Variants in RYR3 observed in about 807,000 individuals in gnomAD.
The protein encoded by RYR3 is brain ryanodine receptor-calcium release channel.
A neutral mutation model predicts 584.3 loss-of-function variants in RYR3; 207 were observed. The observed-to-expected ratio is 0.35, with a 90% CI of 0.32 to 0.40. RYR3 has a LOEUF of 0.40. RYR3 is among the 10% of genes least tolerant of loss of function. RYR3 has a pLI of 1.00. For missense variants in RYR3, 5,616 were observed against 6,089.2 expected (o/e 0.92, Z 2.59); for synonymous variants, 2,416 against 2,248.5 (o/e 1.07, Z -2.11).
intron 100 of RYR3, 79 bp downstream of exon 100, chr15:33,859,810 G>T: frequency 7.0e-7 from 1 of 1,418,442 alleles, no homozygotes; most frequent in Admixed American, 2.1e-5. Context: ...GACTTAATTG[G>T]TTTATGAAGA....
intron 1 of RYR3, among the ~76,000 whole-genome samples, chr15:33,382,407 T>G (rs1409401322): frequency 1.4e-5 from 2 of 144,484 alleles, no homozygotes; most frequent in Non-Finnish European, 3.0e-5. Flanking sequence ...CACTGCAACT[T>G]CCGCCTCCTG....
At chr15:33,737,570 G>A (rs1444063827) in intron 49 of RYR3, among the ~76,000 whole-genome samples, 1 of 152,104 alleles carries the variant, frequency 6.6e-6, no homozygotes, top group Non-Finnish European at 1.5e-5. Flanking sequence ...TCAATCCCCT[G>A]TCTTCATGCC....
At chr15:33,368,705 G>A (rs772862381) in intron 1 of RYR3, among the ~76,000 whole-genome samples, 9 of 152,048 alleles carry the variant, frequency 5.9e-5, no homozygotes, top group Non-Finnish European at 1.0e-4. Context: ...GCACCTTGTC[G>A]GAGTGCCCCA....
intron 85 of RYR3, chr15:33,830,700 T>G (rs959688963): frequency 3.4e-6 from 1 of 295,814 alleles, no homozygotes; most frequent in Non-Finnish European, 6.2e-6. Flanking sequence ...TATTTCACAT[T>G]GAGTAAATTA....
At chr15:33,383,017 A>G (rs1460287924) in intron 1 of RYR3, among the ~76,000 whole-genome samples, 1 of 152,154 alleles carries the variant, frequency 6.6e-6, no homozygotes, top group Non-Finnish European at 1.5e-5. Context: ...ACAGATTTGA[A>G]ATAAGAAAAC....
At position 33,838,358 on chromosome 15, in the gene RYR3, T is replaced by C. The variant is rs2078163986; in HGVS notation, c.12378T>C (p.Ile4126=). The change falls in exon 89 of 104, where the codon ATT becomes ATC. Residue 4126 remains isoleucine, a synonymous_variant. Transcript: ENST00000634891. ...AAGATTCTTCTTACGTGTTAGAAAT[T>C]GCGGGTGAAGAGGAAGAAGACGGGT... ...EDEDSSYVLE[I]AGEEEEDGSL... 2 of 1,613,916 alleles carry C rather than the reference T, an allele frequency of 1.2e-6. No homozygotes were observed. The highest frequency in any genetic ancestry group is 1.7e-5 in the Admixed American group (1 of 60,004).
Position 33,503,757 on chromosome 15 carries a change from TC to T in RYR3, c.279+21del. ...CGAAGGGGTGAGTACCCGAATTGTG[TC>T]CTAGGTTGGGATTGGGGTGCACCAC... On this transcript the variant is annotated intron_variant, in intron 3 of 103. Coordinates refer to ENST00000634891, the MANE Select transcript of RYR3 (RefSeq NM_001036.6). 1 of 1,525,800 alleles carries T rather than the reference TC, an allele frequency of 6.6e-7. No homozygotes were observed. Among genetic ancestry groups the T allele is most frequent in the Non-Finnish European group, 9.0e-7 (1 of 1,105,976 alleles). The allele number at this position is 1,525,800 out of a possible 1,614,324, so 94.5% of individuals were successfully genotyped here. A position where few individuals can be genotyped will look rare whatever the true frequency, so the allele number is the denominator to read the frequency against.
At chr15:33,716,079 C>T (rs1473077147) in intron 43 of RYR3, among the ~76,000 whole-genome samples, 1 of 152,006 alleles carries the variant, frequency 6.6e-6, no homozygotes, top group Non-Finnish European at 1.5e-5. Flanking sequence ...TACCTTCCTC[C>T]CACTCTTTCT....
At chr15:33,742,885 GTCT>G (rs1166188496) in intron 52 of RYR3, among the ~76,000 whole-genome samples, 1 of 152,142 alleles carries the variant, frequency 6.6e-6, no homozygotes, top group African/African-American at 2.4e-5. Flanking sequence ...ACATGCAATC[GTCT>G]TCTTATGGTA....
intron 47 of RYR3, among the ~76,000 whole-genome samples, chr15:33,730,621 T>C (rs969622943): frequency 1.3e-5 from 2 of 152,230 alleles, no homozygotes; most frequent in Non-Finnish European, 1.5e-5. Flanking sequence ...ATAGAATGAC[T>C]GCAGGAATCA....
intron 51 of RYR3, among the ~76,000 whole-genome samples, chr15:33,741,410 A>T (rs1327397878): frequency 6.6e-6 from 1 of 152,168 alleles, no homozygotes; most frequent in Non-Finnish European, 1.5e-5. Context: ...CAAGACTTAA[A>T]TTCCGTGGAG....
intron 1 of RYR3, among the ~76,000 whole-genome samples, chr15:33,323,396 C>T (rs942606199): frequency 1.1e-4 from 17 of 152,112 alleles, no homozygotes; most frequent in African/African-American, 4.1e-4. Context: ...GCGTGAGCCA[C>T]CGCGCCCGGC....
intron 1 of RYR3, among the ~76,000 whole-genome samples, chr15:33,355,285 A>G (rs1201553818): frequency 6.6e-6 from 1 of 152,100 alleles, no homozygotes; most frequent in Non-Finnish European, 1.5e-5. Context: ...TTATGAATTC[A>G]CTATTTAAAT....
chr15:33,649,563 A>G (rs148619518), intron 31 of RYR3, among the ~76,000 whole-genome samples: 2 of 152,316 alleles, frequency 1.3e-5, no homozygotes, highest in Admixed American at 6.5e-5. Flanking sequence ...CAAGACAGAG[A>G]AAATCTCTGG....
chr15:33,695,573 A>G (rs1469084954), intron 38 of RYR3, among the ~76,000 whole-genome samples: 1 of 152,102 alleles, frequency 6.6e-6, no homozygotes, highest in African/African-American at 2.4e-5. Flanking sequence ...GGCTGTTCAG[A>G]CTTTAGGATG....
chr15:33,414,264 G>A (rs1287454582), intron 1 of RYR3, among the ~76,000 whole-genome samples: 1 of 152,200 alleles, frequency 6.6e-6, no homozygotes, highest in East Asian at 1.9e-4. Context: ...GAGACTTCCT[G>A]GAAAATAAGG....
intron 70 of RYR3, 110 bp downstream of exon 70, chr15:33,807,679 C>G: frequency 9.1e-7 from 1 of 1,103,876 alleles, no homozygotes; most frequent in Admixed American, 2.0e-5. Context: ...TGGATTTTCC[C>G]GCCTGGAGGT....
chr15:33,556,404 C>T (rs1038114040), intron 10 of RYR3, among the ~76,000 whole-genome samples: 6 of 152,196 alleles, frequency 3.9e-5, no homozygotes, highest in Non-Finnish European at 7.3e-5. Flanking sequence ...ATTACTTACA[C>T]TAGCTTTTCC....
intron 1 of RYR3, among the ~76,000 whole-genome samples, chr15:33,435,964 G>A (rs987807680): frequency 1.3e-5 from 2 of 152,098 alleles, no homozygotes; most frequent in Non-Finnish European, 2.9e-5. Flanking sequence ...ACAGAGTTCT[G>A]ATTCGTCAAT....
Sources: allele counts gnomAD v4.1 joint callset (sites outside exome capture counted in the v4.1 genomes callset), GRCh38; gene constraint gnomAD v4.1.1; transcripts MANE v1.5; gene names NCBI Gene and HGNC (gene_info 2026-07-23, HGNC 2026-07-21).